Variants in TUBGCP5 observed in about 807,000 individuals in gnomAD.
TUBGCP5 encodes tubulin gamma complex component 5.
In TUBGCP5, 98 loss-of-function variants were observed where a neutral mutation model predicts 134.7. The observed-to-expected ratio is 0.73, with a 90% CI of 0.62 to 0.86. The LOEUF is 0.86. Among genes scored for constraint, TUBGCP5 ranks in the 40% least tolerant of loss-of-function variants. TUBGCP5 has a pLI of 0.00. For missense variants in TUBGCP5, 1,150 were observed against 1,244.8 expected (o/e 0.92, Z 1.15); for synonymous variants, 456 against 431.4 (o/e 1.06, Z -0.71).
At chr15:23,034,301 G>A (rs1167651389) in intron 3 of TUBGCP5, among the ~76,000 whole-genome samples, 1 of 152,162 alleles carries the variant, frequency 6.6e-6, no homozygotes, top group African/African-American at 2.4e-5. Context: ...CCACCTGACA[G>A]TATGTCAGAA....
At chr15:22,993,177 G>C (rs768963172) in intron 23 of TUBGCP5, among the ~76,000 whole-genome samples, 5 of 151,904 alleles carry the variant, frequency 3.3e-5, no homozygotes, top group Non-Finnish European at 5.9e-5. Context: ...TCAGCTCACT[G>C]CAACCTCCAC....
chr15:23,024,980 G>A, intron 8 of TUBGCP5, 150 bp from the exon 9 acceptor site: 5 of 567,478 alleles, frequency 8.8e-6, no homozygotes, highest in Non-Finnish European at 1.3e-5. Flanking sequence ...CAGCTCACTG[G>A]AGCCACAACC....
downstream of TUBGCP5, among the ~76,000 whole-genome samples, chr15:22,995,629 C>T (rs528336848): frequency 6.6e-6 from 1 of 151,780 alleles, no homozygotes; most frequent in Non-Finnish European, 1.5e-5. Flanking sequence ...GCTGTACCAT[C>T]TGCATTTCCA....
chr15:23,034,519 A>C (rs2066474615), intron 3 of TUBGCP5, among the ~76,000 whole-genome samples: 3 of 152,372 alleles, frequency 2.0e-5, no homozygotes, highest in Admixed American at 2.0e-4. Context: ...TCAGAAATGA[A>C]GAATGCTTTT....
At chr15:23,022,881 A>G (rs1347405296) in intron 10 of TUBGCP5, among the ~76,000 whole-genome samples, 1 of 152,214 alleles carries the variant, frequency 6.6e-6, no homozygotes, top group East Asian at 1.9e-4. Context: ...TACATGGGTT[A>G]CCATTTTACA....
chr15:23,014,957 T>G (rs529288364), intron 13 of TUBGCP5, among the ~76,000 whole-genome samples: 29 of 152,270 alleles, frequency 1.9e-4, no homozygotes, highest in Admixed American at 1.2e-3. Context: ...CTCATGTTCC[T>G]GGCCAGAGTA....
rs550286852 is a variant in TUBGCP5, at chr15:22,986,290, G to A, written c.*62-2679C>T. On this transcript the variant is annotated intron_variant and NMD_transcript_variant, in intron 23 of 23. Transcript: ENST00000614508. ...AATATGATGAAAAAAGTTTTTAAAA[G>A]GGGAAGAAAATGGATATACAAGTAG... Among the ~76,000 whole-genome samples the A allele has an allele frequency of 3.3e-5, 5 of 152,078 alleles. 1 individual carries two copies. The East Asian group carries it at 5.8e-4, about 18-fold the overall frequency.
At position 23,024,262 on chromosome 15, in the gene TUBGCP5, C is replaced by T. The variant is rs75542549; in HGVS notation, c.922-69G>A. On this transcript the variant is annotated intron_variant, in intron 9 of 22. Transcript: ENST00000615383. ...TAAACATTCAAATTCATTTCCCTCT[C>T]GCTGTAAAATACTTCTTTTGCAATT... The T allele has an allele frequency of 1.6e-4, 253 of 1,554,878 alleles. No individual in the cohort carries two copies. In the African/African-American group the frequency reaches 3.1e-3, roughly 19 times the overall value.
At chr15:23,035,044 G>A (rs1004193831) in intron 3 of TUBGCP5, among the ~76,000 whole-genome samples, 21 of 152,000 alleles carry the variant, frequency 1.4e-4, no homozygotes, top group African/African-American at 4.6e-4. Flanking sequence ...GGATAATAAA[G>A]AAGCTCGGCA....
At chr15:22,988,565 C>A (rs1222429604) in intron 23 of TUBGCP5, among the ~76,000 whole-genome samples, 2 of 151,230 alleles carry the variant, frequency 1.3e-5, no homozygotes, top group African/African-American at 2.4e-5. Flanking sequence ...AACCCCGTCT[C>A]TACTAGAAAA....
chr15:22,995,061 C>T (rs1025266137), downstream of TUBGCP5, among the ~76,000 whole-genome samples: 5 of 152,010 alleles, frequency 3.3e-5, no homozygotes, highest in African/African-American at 4.8e-5. Flanking sequence ...CTGGCTAACA[C>T]GGTGAGACCC....
chr15:23,037,546 A>G (rs1168349403), intron 1 of TUBGCP5, among the ~76,000 whole-genome samples: 1 of 152,208 alleles, frequency 6.6e-6, no homozygotes. Context: ...ATAAATACAA[A>G]GGAATCCCAT....
chr15:23,027,386 C>A, intron 6 of TUBGCP5, 80 bp from the exon 7 acceptor site: 1 of 1,132,232 alleles, frequency 8.8e-7, no homozygotes, highest in Non-Finnish European at 1.3e-6. Flanking sequence ...CAGCTCCATT[C>A]AAACGTATAG....
At chr15:23,035,053 C>T (rs995551053) in intron 3 of TUBGCP5, among the ~76,000 whole-genome samples, 1 of 152,022 alleles carries the variant, frequency 6.6e-6, no homozygotes, top group African/African-American at 2.4e-5. Context: ...AGAAGCTCGG[C>T]ATGGTGGCTC....
chr15:22,988,438 T>C (rs1286703564), intron 23 of TUBGCP5, among the ~76,000 whole-genome samples: 1 of 151,820 alleles, frequency 6.6e-6, no homozygotes, highest in Non-Finnish European at 1.5e-5. Context: ...AGATAATTAA[T>C]ATCTGGTTTT....
At chr15:23,023,632 T>C (rs1249192900) in intron 10 of TUBGCP5, 1 of 278,778 alleles carries the variant, frequency 3.6e-6, no homozygotes, top group African/African-American at 2.2e-5. Context: ...GCACTGCTCA[T>C]GTATGTTGAA....
intron 23 of TUBGCP5, among the ~76,000 whole-genome samples, chr15:22,989,486 G>A (rs2063784976): frequency 6.6e-6 from 1 of 152,092 alleles, no homozygotes; most frequent in African/African-American, 2.4e-5. Context: ...CTGTTAACTT[G>A]GCACCCATAC....
intron 19 of TUBGCP5, chr15:23,004,498 A>C: frequency 2.5e-6 from 1 of 401,932 alleles, no homozygotes. Flanking sequence ...ACTTCCTGGC[A>C]GGAAGGGGCA....
chr15:22,991,888 T>C (rs2140351757), intron 23 of TUBGCP5, among the ~76,000 whole-genome samples: 1 of 152,294 alleles, frequency 6.6e-6, no homozygotes, highest in South Asian at 2.1e-4. Context: ...GTTGGTCTTT[T>C]TCTTCCAGGC....
Sources: gnomAD v4.1 joint callset for allele counts (sites outside exome capture counted in the v4.1 genomes callset) on GRCh38, gnomAD v4.1.1 for gene constraint, MANE v1.5 for transcripts, NCBI Gene and HGNC (gene_info 2026-07-23, HGNC 2026-07-21) for gene names.